The following PCDHA4 variants were observed in gnomAD, a reference collection of about 807,000 sequenced individuals.
PCDHA4 encodes protocadherin alpha-4.
A neutral mutation model predicts 61.4 loss-of-function variants in PCDHA4; 49 were observed. The ratio of observed to expected loss-of-function variants is 0.80; its 90% confidence interval spans 0.63 to 1.01. The LOEUF (loss-of-function observed/expected upper bound fraction) is 1.01. Among genes scored for constraint, PCDHA4 ranks in the 50% least tolerant of loss-of-function variants. The pLI, the probability that PCDHA4 is intolerant of heterozygous loss-of-function variation, is 0.00. For synonymous variants in PCDHA4, 590 were observed against 550.3 expected (o/e 1.07, Z -1.01); for missense variants, 1,254 against 1,235.8 (o/e 1.01, Z -0.22).
intron 1 of PCDHA4, among the ~76,000 whole-genome samples, chr5:140,827,481 A>C (rs555131112): frequency 1.3e-5 from 2 of 152,252 alleles, no homozygotes; most frequent in Admixed American, 1.3e-4. Flanking sequence ...TTGAACAAAG[A>C]AAGCATGGAC....
intron 1 of PCDHA4, chr5:140,858,764 G>C: frequency 4.4e-6 from 2 of 451,976 alleles, no homozygotes; most frequent in Non-Finnish European, 8.0e-6. Context: ...ACAAATATTT[G>C]TGAGATTAGT....
In PCDHA4 at chr5:140,927,984, A is replaced by G. The variant is rs112872627; in HGVS notation, c.2386-50965A>G. 5.7e-5 allele frequency: 92 copies of G among 1,614,218 alleles called. 4 individuals are homozygous for G. In the African/African-American group the frequency reaches 7.1e-4, roughly 12 times the overall value. Reference sequence around the variant, plus strand: ...GCACAGTGATTGCTCTCTTTAGTGTAAAGGATGAAGACCTCGATTCTAATG... The same window carrying G: ...GCACAGTGATTGCTCTCTTTAGTGTGAAGGATGAAGACCTCGATTCTAATG... On this transcript the variant is annotated intron_variant, in intron 1 of 3. Coordinates refer to ENST00000530339, the MANE Select transcript of PCDHA4 (RefSeq NM_018907.4).
chr5:140,882,364 C>G (rs1582611912), intron 1 of PCDHA4: 13 of 1,614,244 alleles, frequency 8.1e-6, no homozygotes, highest in Non-Finnish European at 1.1e-5. Flanking sequence ...GCCAGCTCCA[C>G]TACTCCGTCC....
Position 140,853,024 on chromosome 5 carries a change from G to A in PCDHA4, c.2385+43452G>A, listed in dbSNP as rs2150527319. On this transcript the variant is annotated intron_variant, in intron 1 of 3. Coordinates refer to ENST00000530339, the MANE Select transcript of PCDHA4 (RefSeq NM_018907.4). ...CTCCCGAGTAGCTGGGACTACAGGC[G>A]CCTGCCACCATGCCCGCCTAATTTT... 4.2e-5 allele frequency: 11 copies of A among 260,054 alleles called. 1 individual carries two copies. The highest frequency in any genetic ancestry group is 2.6e-4 in the African/African-American group (11 of 42,566). 16.1% of individuals were successfully genotyped at this position (260,054 alleles called of 1,614,324 possible).
rs782605707 is a variant in PCDHA4 at position 140,857,540 on chromosome 5, T to G, written c.2385+47968T>G. The G allele has an allele frequency of 1.6e-4, 262 of 1,596,716 alleles. 26 individuals carry two copies. Among genetic ancestry groups the G allele is most frequent in the Non-Finnish European group, 2.1e-4 (250 of 1,167,578 alleles). ...GTCCTACTCTCTGGTGGAGCGGCGG[T>G]TGGGCGAGCGCTCGCTGTCGAGCTA... On this transcript the variant is annotated intron_variant, in intron 1 of 3. Transcript: ENST00000530339.
At chr5:140,986,163 G>A (rs1186387690) in intron 3 of PCDHA4, among the ~76,000 whole-genome samples, 1 of 152,212 alleles carries the variant, frequency 6.6e-6, no homozygotes, top group African/African-American at 2.4e-5. Flanking sequence ...AATGTTTTCT[G>A]CAGGATAAAC....
chr5:140,966,800 G>T, intron 1 of PCDHA4: 1 of 1,540,654 alleles, frequency 6.5e-7, no homozygotes, highest in East Asian at 2.4e-5. Flanking sequence ...TGCGGCGACA[G>T]AGCATCCACG....
At chr5:140,925,671 A>AATAATAATG (rs1445697337) in intron 1 of PCDHA4, among the ~76,000 whole-genome samples, 20 of 148,150 alleles carry the variant, frequency 1.3e-4, no homozygotes, top group African/African-American at 5.0e-4. Context: ...TAATAATAAT[A>AATAATAATG]ATAATAAAGC....
Position 140,841,444 on chromosome 5 carries a change from C to A in PCDHA4, c.2385+31872C>A, listed in dbSNP as rs2150315677. 7.4e-6 allele frequency: 12 copies of A among 1,612,806 alleles called. No individual in the cohort carries two copies. In the South Asian group the frequency reaches 8.8e-5, roughly 12 times the overall value. On this transcript the variant is annotated intron_variant, in intron 1 of 3. Coordinates refer to ENST00000530339, the MANE Select transcript of PCDHA4 (RefSeq NM_018907.4). ...ACTCCGTCCCCGAGGAGGCCAAACA[C>A]GGCACCTTCGTGGGCCGGATCGCGC... is the stretch of plus-strand genomic sequence containing the variant.
chr5:140,829,545 A>G (rs1286115535), intron 1 of PCDHA4: 6 of 1,612,828 alleles, frequency 3.7e-6, no homozygotes, highest in Non-Finnish European at 5.1e-6. Flanking sequence ...GCGGACGCGC[A>G]GGAGAACGCG....
intron 1 of PCDHA4, among the ~76,000 whole-genome samples, chr5:140,855,276 C>T (rs991955993): frequency 1.3e-5 from 2 of 149,614 alleles, no homozygotes; most frequent in Non-Finnish European, 3.0e-5. Flanking sequence ...CACTCAACCA[C>T]CGTATTACTA....
chr5:140,939,956 A>G (rs2092504641), intron 1 of PCDHA4, among the ~76,000 whole-genome samples: 1 of 152,234 alleles, frequency 6.6e-6, no homozygotes, highest in Non-Finnish European at 1.5e-5. Context: ...AAATTATGTT[A>G]AAGTGTTCCA....
intron 1 of PCDHA4, chr5:140,928,682 C>T (rs782513735): frequency 6.2e-7 from 1 of 1,614,174 alleles, no homozygotes; most frequent in Non-Finnish European, 8.5e-7. Flanking sequence ...GCCTGGCTTT[C>T]CTACCACATC....
intron 1 of PCDHA4, among the ~76,000 whole-genome samples, chr5:140,912,509 T>A (rs1473163707): frequency 6.6e-6 from 1 of 152,170 alleles, no homozygotes; most frequent in Non-Finnish European, 1.5e-5. Flanking sequence ...TTTGGATGAA[T>A]CTTTAGGGTT....
At chr5:140,819,227 A>G (rs1437121413) in intron 1 of PCDHA4, among the ~76,000 whole-genome samples, 1 of 152,190 alleles carries the variant, frequency 6.6e-6, no homozygotes, top group Non-Finnish European at 1.5e-5. Context: ...TTGCTTCAAC[A>G]TTTCCTCTTC....
At chr5:140,862,968 G>C in intron 1 of PCDHA4, 1 of 544,810 alleles carries the variant, frequency 1.8e-6, no homozygotes, top group Non-Finnish European at 3.6e-6. Context: ...GTGGATGCAG[G>C]CCACTTGGTG....
At chr5:140,837,745 T>C (rs1305157984) in intron 1 of PCDHA4, among the ~76,000 whole-genome samples, 1 of 151,794 alleles carries the variant, frequency 6.6e-6, no homozygotes, top group East Asian at 1.9e-4. Context: ...GGTGGGATTA[T>C]AGCCCACTGC....
rs151175650 is a variant in PCDHA4 at position 140,807,672 on chromosome 5, T to C, written c.485T>C (p.Ile162Thr). Residue 162 changes from isoleucine to threonine, a missense_variant, in exon 1 of 4, where the codon ATC (isoleucine) becomes ACC (threonine). Ile to Thr is a moderately conservative substitution (Grantham distance 89, BLOSUM62 -1). Transcript: ENST00000530339. ...CTAGAGGGCGCCTCGGATGCAGATA[T>C]CGGGGAGAACGCCCTGCTCACTTAC... The part of the protein sequence containing the change: ...FPLEGASDAD[I>T]GENALLTYRL... 9.9e-5 allele frequency: 160 copies of C among 1,614,086 alleles called. No individual in the cohort carries two copies. The highest frequency in any genetic ancestry group is 1.3e-4 in the Non-Finnish European group (157 of 1,180,036).
At chr5:140,861,743 C>T in intron 1 of PCDHA4, 1 of 152,806 alleles carries the variant, frequency 6.5e-6, no homozygotes, top group Non-Finnish European at 1.4e-5. Context: ...CATACTGTGC[C>T]GCAATGATTA....
Sources: allele counts gnomAD v4.1 joint callset (sites outside exome capture counted in the v4.1 genomes callset), GRCh38; gene constraint gnomAD v4.1.1; transcripts MANE v1.5; gene names NCBI Gene and HGNC (gene_info 2026-07-23, HGNC 2026-07-21).